The following COL4A4 variants were observed in gnomAD, a reference collection of about 807,000 sequenced individuals.
COL4A4 encodes collagen alpha-4(IV) chain.
Under a neutral mutation model 192.9 loss-of-function variants are expected in COL4A4, and 105 were observed. The ratio of observed to expected loss-of-function variants is 0.54; its 90% CI spans 0.46 to 0.64. The LOEUF (loss-of-function observed/expected upper bound fraction) is 0.64. COL4A4 is among the 30% of genes least tolerant of loss of function. COL4A4 has a pLI of 0.00. For synonymous variants in COL4A4, 762 were observed against 769.9 expected, an observed-to-expected ratio of 0.99 and a Z score of 0.17; for missense variants, 1,967 against 2,169.3, an observed-to-expected ratio of 0.91 and a Z score of 1.85.
At chr2:227,153,756 G>A (rs1182652354) in intron 1 of COL4A4, among the ~76,000 whole-genome samples, 1 of 152,162 alleles carries the variant, frequency 6.6e-6, no homozygotes, top group Non-Finnish European at 1.5e-5. Flanking sequence ...GGGCAAAACT[G>A]AATATAGAGA....
chr2:227,152,321 G>A (rs1419230015), intron 1 of COL4A4, among the ~76,000 whole-genome samples: 1 of 152,214 alleles, frequency 6.6e-6, no homozygotes, highest in Non-Finnish European at 1.5e-5. Flanking sequence ...TTCTACAAAA[G>A]GATATACATG....
At position 227,088,762 on chromosome 2, in the gene COL4A4, G is replaced by A. The variant is rs756912251; in HGVS notation, c.1514C>T (p.Pro505Leu). ...ACTCCCCTGCCTCCCAGGAAGTCCT[G>A]GAGGGCCAGGGGGGCCCATGGGTCC... ...EPGPMGPPGP[P>L]GLPGRQGSKG... Residue 505 changes from proline to leucine, a missense_variant, in exon 22 of 48, where the codon CCA becomes CTA. Transcript: ENST00000396625. 30 of 1,613,966 alleles carry A rather than the reference G, an allele frequency of 1.9e-5. No individual in the cohort carries two copies. The highest frequency in any genetic ancestry group is 2.4e-5 in the Non-Finnish European group (28 of 1,180,006).
rs745619587 is a variant in COL4A4 at position 227,114,660 on chromosome 2, C to G, written c.526G>C (p.Val176Leu). ...PGEKGEKGNS[V>L]FILGAVKGIQ... ...CCTTTAACGGCACCTAAAATGAACA[C>G]TGAATTTCCTTTTTCTCCCTTTTCC... Residue 176 changes from valine (V) to leucine (L), a missense_variant, in exon 8 of 48, where the codon GTG becomes CTG. Coordinates refer to ENST00000396625, the MANE Select transcript of COL4A4 (RefSeq NM_000092.5). 6.2e-7 allele frequency: 1 copy of G among 1,614,026 alleles called. No individual in the cohort carries two copies. Among genetic ancestry groups the G allele is most frequent in the Admixed American group, 1.7e-5 (1 of 60,028 alleles).
chr2:227,128,556 G>T (rs1445568617), intron 4 of COL4A4, among the ~76,000 whole-genome samples: 3 of 152,086 alleles, frequency 2.0e-5, no homozygotes, highest in Admixed American at 2.0e-4. Flanking sequence ...TGTCACTGAA[G>T]AGAGTAACTC....
chr2:227,138,133 A>AAATAATAATAATAATAATAAT lies in COL4A4; in HGVS notation c.192+2007_192+2027dup, dbSNP rs35550127. On this transcript the variant is annotated intron_variant, in intron 4 of 47. Coordinates refer to ENST00000396625, the MANE Select transcript of COL4A4 (RefSeq NM_000092.5). ...AAACACAGCAAGACTCCACCTCTAC[A>AAATAATAATAATAATAATAAT]AATAATAATAATAATAATAATAATC... is the stretch of plus-strand genomic sequence containing the variant. Among the ~76,000 whole-genome samples, 463 of 147,170 alleles carry AAATAATAATAATAATAATAAT rather than the reference A, an allele frequency of 3.1e-3. 1 individual carries two copies. Among genetic ancestry groups the AAATAATAATAATAATAATAAT allele is most frequent in the African/African-American group, 0.01 (407 of 39,514 alleles).
intron 4 of COL4A4, among the ~76,000 whole-genome samples, chr2:227,124,633 C>T (rs1468302754): frequency 6.6e-6 from 1 of 152,052 alleles, no homozygotes; most frequent in Admixed American, 6.6e-5. Context: ...CAATAAAATA[C>T]AAAGTGTAAT....
chr2:227,099,066 CTGTTTT>C (rs753926817), intron 18 of COL4A4, among the ~76,000 whole-genome samples: 30 of 152,148 alleles, frequency 2.0e-4, no homozygotes, highest in Middle Eastern at 3.4e-3. Flanking sequence ...TCAAATAGTT[CTGTTTT>C]TGTTTTTGTT....
chr2:226,992,398 C>T, the COL4A4 span, among the ~76,000 whole-genome samples: 1 of 152,200 alleles, frequency 6.6e-6, no homozygotes, highest in Non-Finnish European at 1.5e-5. Flanking sequence ...CAAAGCAATT[C>T]GGCCATTCTT....
rs139086558 is a variant in COL4A4 at position 227,097,105 on chromosome 2, T to G, written c.1204+1589A>C. 6.3e-3 allele frequency among the ~76,000 whole-genome samples: 955 copies of G among 152,292 alleles called. 13 individuals carry two copies. The highest frequency in any genetic ancestry group is 0.021 in the African/African-American group (890 of 41,556). On this transcript the variant is annotated intron_variant, in intron 19 of 47. Transcript: ENST00000396625. ...GCCATTTCTAAGACCTGATGTGGAC[T>G]CAATACAATCAGTCATTGGATGAAC...
chr2:227,033,599 G>T, intron 37 of COL4A4, 118 bp from the exon 38 acceptor site: 1 of 798,964 alleles, frequency 1.3e-6, no homozygotes, highest in South Asian at 1.4e-5. Flanking sequence ...AAACAGCTCT[G>T]AGCGTCTGGA....
Position 227,012,139 on chromosome 2 carries a change from G to A in COL4A4, c.4333+42C>T, listed in dbSNP as rs758770821. 1.4e-5 allele frequency: 21 copies of A among 1,451,666 alleles called. No homozygotes were observed. In the South Asian group the frequency reaches 2.0e-4, roughly 14 times the overall value. The allele number at this position is 1,451,666 out of a possible 1,614,324, so 89.9% of individuals were successfully genotyped here. A position where few individuals can be genotyped will look rare whatever the true frequency, so the allele number is the denominator to read the frequency against. The stretch of plus-strand genomic sequence containing the variant: ...TCAGAGATTTTGTATACAACTCTAA[G>A]GTTTACAGTGTCAGAGAAAAGAGGA... On this transcript the variant is annotated intron_variant, in intron 45 of 47. Coordinates refer to ENST00000396625, the MANE Select transcript of COL4A4 (RefSeq NM_000092.5).
chr2:226,997,830 G>A (rs1959834586), downstream of COL4A4: 1 of 152,156 alleles, frequency 6.6e-6, no homozygotes, highest in African/African-American at 2.4e-5. Context: ...CAATAAAGAT[G>A]TTCTGGAAAT....
chr2:226,979,547 G>T, the COL4A4 span, among the ~76,000 whole-genome samples: 1 of 152,046 alleles, frequency 6.6e-6, no homozygotes, highest in Non-Finnish European at 1.5e-5. Flanking sequence ...TACTTGGCTG[G>T]CTCATCATAT....
chr2:227,100,197 A>G (rs1240262644), intron 17 of COL4A4, among the ~76,000 whole-genome samples: 3 of 152,288 alleles, frequency 2.0e-5, no homozygotes, highest in African/African-American at 7.2e-5. Context: ...TTAAAAAGGA[A>G]AGAAAAAATG....
Position 227,108,570 on chromosome 2 carries a change from G to A in COL4A4, c.735+11C>T. 3 of 1,613,448 alleles carry A rather than the reference G, an allele frequency of 1.9e-6. No individual in the cohort carries two copies. The highest frequency in any genetic ancestry group is 1.3e-5 in the African/African-American group (1 of 75,020). On this transcript the variant is annotated intron_variant, in intron 12 of 47. Transcript: ENST00000396625. ...CACCATCTGCTCCTCAGAGCAAGAG[G>A]GAATTCTTACCGGGTCTCCCATTTG... is the stretch of plus-strand genomic sequence containing the variant.
At chr2:227,159,213 T>C (rs192492683) in intron 1 of COL4A4, among the ~76,000 whole-genome samples, 25 of 152,354 alleles carry the variant, frequency 1.6e-4, no homozygotes, top group African/African-American at 5.5e-4. Flanking sequence ...AGATGTAAGA[T>C]AGTATACACG....
intron 43 of COL4A4, among the ~76,000 whole-genome samples, chr2:227,023,579 T>C (rs1966439184): frequency 6.6e-6 from 1 of 152,078 alleles, no homozygotes; most frequent in South Asian, 2.1e-4. Context: ...TAAGAAATAA[T>C]AACACTGAAC....
At position 227,114,709 on chromosome 2, in the gene COL4A4, T is replaced by C; in HGVS notation, c.490-13A>G. The C allele has an allele frequency of 6.2e-7, 1 of 1,604,338 alleles. No homozygotes were observed. Among genetic ancestry groups the C allele is most frequent in the Non-Finnish European group, 8.5e-7 (1 of 1,171,078 alleles). ...CCCCAGGATGGCCCTGAAAATAAAA[T>C]ATGTATGTACTTAACAGGAAAATAG... On this transcript the variant is annotated splice_polypyrimidine_tract_variant and intron_variant, in intron 7 of 47. Transcript: ENST00000396625.
intron 22 of COL4A4, 131 bp downstream of exon 22, chr2:227,088,522 G>T: frequency 8.2e-7 from 1 of 1,222,332 alleles, no homozygotes; most frequent in Non-Finnish European, 1.2e-6. Flanking sequence ...CACCCATACA[G>T]AACTGCGAGT....
Sources: allele counts gnomAD v4.1 joint callset (sites outside exome capture counted in the v4.1 genomes callset), GRCh38; gene constraint gnomAD v4.1.1; transcripts MANE v1.5; gene names NCBI Gene and HGNC (gene_info 2026-07-23, HGNC 2026-07-21).